NBAS: variants seen among roughly 807,000 people sequenced by gnomAD.
NBAS encodes NBAS subunit of NRZ tethering complex.
A neutral mutation model predicts 302.5 loss-of-function variants in NBAS; 219 were observed. The ratio of observed to expected loss-of-function variants is 0.72; its 90% CI spans 0.65 to 0.81. The LOEUF is 0.81. Ranked by LOEUF, NBAS falls within the 30% of genes least tolerant of loss-of-function variation. NBAS has a pLI of 0.00. For synonymous variants in NBAS, 1,118 were observed against 1,021.6 expected (o/e 1.09, Z -1.80); for missense variants, 2,932 against 2,841.6 (o/e 1.03, Z -0.72).
chr2:15,440,006 G>T (rs1017296099), intron 21 of NBAS, among the ~76,000 whole-genome samples: 2 of 152,258 alleles, frequency 1.3e-5, no homozygotes. Context: ...CAGGCGGGAA[G>T]CTCGAACTGG....
chr2:15,402,050 C>T (rs1676179409), intron 26 of NBAS, 118 bp downstream of exon 26: 1 of 1,081,476 alleles, frequency 9.2e-7, no homozygotes, highest in Non-Finnish European at 1.4e-6. Flanking sequence ...TATTTTCTTC[C>T]TTATGTTTTT....
At chr2:15,284,129 AAAC>A (rs771632405) in intron 42 of NBAS, among the ~76,000 whole-genome samples, 15 of 152,092 alleles carry the variant, frequency 9.9e-5, no homozygotes, top group African/African-American at 2.9e-4. Context: ...CAAGACATTA[AAAC>A]AACAACAACA....
At chr2:15,157,476 G>A in the NBAS span, among the ~76,000 whole-genome samples, 1 of 152,168 alleles carries the variant, frequency 6.6e-6, no homozygotes, top group African/African-American at 2.4e-5. Flanking sequence ...GTGCGTTTAG[G>A]GCCGTCTTCG....
chr2:14,803,496 AT>A, the NBAS span, among the ~76,000 whole-genome samples: 1 of 152,160 alleles, frequency 6.6e-6, no homozygotes, highest in African/African-American at 2.4e-5. Flanking sequence ...TCTGTACTGC[AT>A]TTTGGAAACC....
chr2:15,446,886 G>GAA (rs55991796), intron 21 of NBAS, among the ~76,000 whole-genome samples: 1,959 of 141,100 alleles, frequency 0.014, 23 homozygotes, highest in Middle Eastern at 0.066. Context: ...CCACTAAAAA[G>GAA]AAAAAAAAAA....
chr2:15,024,880 C>A, the NBAS span, among the ~76,000 whole-genome samples: 1 of 152,140 alleles, frequency 6.6e-6, no homozygotes, highest in African/African-American at 2.4e-5. Flanking sequence ...ATCAGATGTA[C>A]AGTTTGCAAA....
At chr2:14,799,486 T>A in the NBAS span, among the ~76,000 whole-genome samples, 1 of 152,132 alleles carries the variant, frequency 6.6e-6, no homozygotes, top group Non-Finnish European at 1.5e-5. Context: ...ATATGGTCGA[T>A]CTTAGTAAAA....
At chr2:14,843,659 A>T in the NBAS span, among the ~76,000 whole-genome samples, 2 of 152,070 alleles carry the variant, frequency 1.3e-5, no homozygotes, top group Admixed American at 1.3e-4. Flanking sequence ...CTGAAAGAGG[A>T]ACTGGAAGAG....
intron 2 of NBAS, 136 bp downstream of exon 2, chr2:15,558,440 ATATG>A: frequency 6.2e-6 from 4 of 642,124 alleles, no homozygotes; most frequent in African/African-American, 1.8e-5. Context: ...ATATACATAC[ATATG>A]TGTGTATATA....
At chr2:15,332,118 G>A (rs1031195928) in intron 35 of NBAS, among the ~76,000 whole-genome samples, 2 of 152,150 alleles carry the variant, frequency 1.3e-5, no homozygotes, top group East Asian at 1.9e-4. Context: ...GCCATCAGGC[G>A]ACATCCAGCA....
At chr2:14,958,087 T>C in the NBAS span, among the ~76,000 whole-genome samples, 1 of 152,228 alleles carries the variant, frequency 6.6e-6, no homozygotes, top group Middle Eastern at 3.2e-3. Context: ...ACTTGCCATG[T>C]GTTTTAAACT....
At chr2:15,099,407 G>A in the NBAS span, among the ~76,000 whole-genome samples, 1 of 151,780 alleles carries the variant, frequency 6.6e-6, no homozygotes, top group African/African-American at 2.4e-5. Context: ...ATCCTACAAT[G>A]GACATATGTA....
intron 41 of NBAS, among the ~76,000 whole-genome samples, chr2:15,289,967 A>G (rs1195108559): frequency 6.6e-6 from 1 of 151,944 alleles, no homozygotes; most frequent in Non-Finnish European, 1.5e-5. Context: ...ACAGCCCTCC[A>G]GCCTGGCGCC....
chr2:15,124,686 A>C, the NBAS span, among the ~76,000 whole-genome samples: 1 of 152,182 alleles, frequency 6.6e-6, no homozygotes, highest in East Asian at 1.9e-4. Context: ...TGGCTACTCC[A>C]GCTCCAGCTG....
chr2:14,981,698 G>C, the NBAS span, among the ~76,000 whole-genome samples: 2 of 152,238 alleles, frequency 1.3e-5, no homozygotes, highest in African/African-American at 4.8e-5. Flanking sequence ...TTAAGAAGCA[G>C]AGGTGTCTGC....
the NBAS span, among the ~76,000 whole-genome samples, chr2:14,943,809 T>A: frequency 0.16 from 23,638 of 152,066 alleles, 2,535 homozygotes; most frequent in African/African-American, 0.31. Context: ...ACTTCATGAC[T>A]ATAACCTCAA....
In NBAS at chr2:15,180,636, C is replaced by T. The variant is rs138015658; in HGVS notation, c.6712-1520G>A. Among the ~76,000 whole-genome samples, 93 of 152,302 alleles carry T rather than the reference C, an allele frequency of 6.1e-4. No homozygotes were observed. In the East Asian group the frequency reaches 0.014, roughly 24 times the overall value. ...TAAGCATTCCACACAAAGTGATGTG[C>T]GGGGCCCCTTCTGACACAACACACA... On this transcript the variant is annotated intron_variant, in intron 50 of 51. Coordinates refer to ENST00000281513, the MANE Select transcript of NBAS (RefSeq NM_015909.4).
chr2:15,100,162 G>C, the NBAS span, among the ~76,000 whole-genome samples: 1 of 152,050 alleles, frequency 6.6e-6, no homozygotes, highest in Admixed American at 6.6e-5. Context: ...CACATTCTGG[G>C]GGCCCTGATG....
the NBAS span, among the ~76,000 whole-genome samples, chr2:15,046,407 T>C: frequency 6.6e-6 from 1 of 152,224 alleles, no homozygotes; most frequent in African/African-American, 2.4e-5. Context: ...GAAATGTTTT[T>C]AATCATTGTA....
Sources: allele counts gnomAD v4.1 joint callset (sites outside exome capture counted in the v4.1 genomes callset), GRCh38; gene constraint gnomAD v4.1.1; transcripts MANE v1.5; gene names NCBI Gene and HGNC (gene_info 2026-07-23, HGNC 2026-07-21).